Variants in C16orf89 observed in about 807,000 individuals in gnomAD.
The protein encoded by C16orf89 is UPF0764 protein C16orf89.
Under a neutral mutation model 41.5 loss-of-function variants are expected in C16orf89, and 57 were observed. The observed-to-expected ratio is 1.38, with a 90% CI of 1.11 to 1.71. C16orf89 has a LOEUF of 1.71. C16orf89 is among the 40% of genes most tolerant of loss of function. C16orf89 has a pLI of 0.00. For synonymous variants in C16orf89, 223 were observed against 190.6 expected, an observed-to-expected ratio of 1.17 and a Z score of -1.40; for missense variants, 575 against 445.9, an observed-to-expected ratio of 1.29 and a Z score of -2.61.
intron 4 of C16orf89, among the ~76,000 whole-genome samples, chr16:5,056,722 C>T (rs924452261): frequency 1.3e-5 from 2 of 152,184 alleles, no homozygotes; most frequent in African/African-American, 4.8e-5. Flanking sequence ...TAGCAGTGGT[C>T]AGAGTTACTT....
intron 6 of C16orf89, among the ~76,000 whole-genome samples, chr16:5,053,339 C>T (rs563607762): frequency 6.6e-6 from 1 of 151,990 alleles, no homozygotes; most frequent in African/African-American, 2.4e-5. Flanking sequence ...CACTGCACTC[C>T]TGCCTGGGTG....
chr16:5,063,095 G>C (rs189722912), intron 1 of C16orf89, among the ~76,000 whole-genome samples: 10 of 152,318 alleles, frequency 6.6e-5, no homozygotes, highest in Non-Finnish European at 1.2e-4. Flanking sequence ...CAGTGGCTTT[G>C]TTGAGGTGGG....
intron 6 of C16orf89, among the ~76,000 whole-genome samples, chr16:5,053,091 C>T (rs914432378): frequency 6.6e-6 from 1 of 152,138 alleles, no homozygotes; most frequent in African/African-American, 2.4e-5. Context: ...CATAGAAGTG[C>T]AGTGTTGAGG....
At chr16:5,044,754 G>T in intron 7 of C16orf89, 3 of 1,063,342 alleles carry the variant, frequency 2.8e-6, no homozygotes, top group Non-Finnish European at 2.5e-6. Context: ...TGAGGCAAGA[G>T]AATTGCTTGA....
intron 1 of C16orf89, among the ~76,000 whole-genome samples, chr16:5,064,394 T>C (rs1288715873): frequency 1.3e-5 from 2 of 152,188 alleles, no homozygotes; most frequent in Admixed American, 1.3e-4. Flanking sequence ...ATGGAAACAG[T>C]AATGGCTGAC....
intron 1 of C16orf89, among the ~76,000 whole-genome samples, chr16:5,065,203 T>C (rs553246137): frequency 1.3e-5 from 2 of 152,332 alleles, no homozygotes; most frequent in South Asian, 2.1e-4. Context: ...AGCCCCCTTC[T>C]TGGGGATCTT....
chr16:5,054,753 A>G (rs1445828763), intron 6 of C16orf89, among the ~76,000 whole-genome samples: 17 of 152,152 alleles, frequency 1.1e-4, no homozygotes, highest in Admixed American at 1.0e-3. Flanking sequence ...TTTCCCCCAT[A>G]CCGTTCTCAC....
At position 5,056,049 on chromosome 16, in the gene C16orf89, A is replaced by T. The variant is rs77055786; in HGVS notation, c.763+4T>A. 2.3e-5 allele frequency: 36 copies of T among 1,556,460 alleles called. No homozygotes were observed. In the East Asian group the frequency reaches 7.7e-4, roughly 33 times the overall value. ...TTGCCCCGGGGGCAGAATGCTGGCC[A>T]TACTGTTTTCCATGAAGATGTCCCG... is the stretch of plus-strand genomic sequence containing the variant. On this transcript the variant is annotated splice_donor_region_variant and intron_variant, in intron 5 of 7. Coordinates refer to ENST00000472572, the MANE Select transcript of C16orf89 (RefSeq NM_001098514.3).
rs1956588413 is a variant in C16orf89, at chr16:5,060,279, G to T, written c.509+7C>A. On this transcript the variant is annotated splice_region_variant and intron_variant, in intron 3 of 7. Coordinates refer to ENST00000472572, the MANE Select transcript of C16orf89 (RefSeq NM_001098514.3). ...TTTCCAGCAAATAGGGCAAGTGCAGGGCCCACCCGGTTCCCAGCAGCTGCA... is the reference window on the plus strand; with the variant it reads ...TTTCCAGCAAATAGGGCAAGTGCAGTGCCCACCCGGTTCCCAGCAGCTGCA... 1.2e-6 allele frequency: 2 copies of T among 1,603,584 alleles called. No individual in the cohort carries two copies. The highest frequency in any genetic ancestry group is 2.7e-5 in the African/African-American group (2 of 74,870).
intron 6 of C16orf89, among the ~76,000 whole-genome samples, chr16:5,054,982 A>T (rs1423575606): frequency 6.6e-6 from 1 of 152,222 alleles, no homozygotes. Context: ...GCATAAAAAC[A>T]GTACAATACA....
Position 5,053,949 on chromosome 16 carries a change from A to G in C16orf89, c.868+1297T>C, listed in dbSNP as rs146192432. 2.1e-3 allele frequency among the ~76,000 whole-genome samples: 313 copies of G among 152,352 alleles called. 4 individuals are homozygous for G. Among genetic ancestry groups the G allele is most frequent in the African/African-American group, 4.4e-3 (183 of 41,580 alleles). ...TTACATATTGTATACATGTATGGAA[A>G]TATCACACTGTACCCTATAAATATG... On this transcript the variant is annotated intron_variant, in intron 6 of 7. Transcript: ENST00000472572.
At chr16:5,057,411 T>C (rs1252417670) in intron 4 of C16orf89, among the ~76,000 whole-genome samples, 4 of 147,798 alleles carry the variant, frequency 2.7e-5, no homozygotes, top group Non-Finnish European at 5.9e-5. Flanking sequence ...ATATATATAG[T>C]GGCATATATA....
Position 5,065,898 on chromosome 16 carries a change from A to G in C16orf89, c.11T>C (p.Leu4Pro), listed in dbSNP as rs745932812. Residue 4 changes from leucine to proline, a missense_variant, in exon 1 of 8, where the codon CTG becomes CCG. Coordinates refer to ENST00000472572, the MANE Select transcript of C16orf89 (RefSeq NM_001098514.3). MAS[L>P]GLLLLLLLTA... The stretch of plus-strand genomic sequence containing the variant: ...CAGTAAGAGCAGGAGCAGCAGCCCC[A>G]GGCTGGCCATGGCCGGCCTCTGCTC... 1 of 1,613,602 alleles carries G rather than the reference A, an allele frequency of 6.2e-7. No individual in the cohort carries two copies. The highest frequency in any genetic ancestry group is 1.7e-5 in the Admixed American group (1 of 59,942).
chr16:5,062,089 T>C (rs560734989), intron 2 of C16orf89, among the ~76,000 whole-genome samples: 112 of 152,328 alleles, frequency 7.4e-4, no homozygotes, highest in Non-Finnish European at 1.3e-3. Flanking sequence ...AAGGGTTGAA[T>C]TGCCTTTTGG....
intron 2 of C16orf89, among the ~76,000 whole-genome samples, chr16:5,061,507 C>T (rs1596705115): frequency 1.2e-5 from 1 of 84,284 alleles, no homozygotes; most frequent in East Asian, 8.2e-4. Context: ...AAAAAAAACC[C>T]CCCCAAAAAA....
rs1956602156 is a variant in C16orf89, at chr16:5,060,806, C to G, written c.359-370G>C. 3.3e-5 allele frequency among the ~76,000 whole-genome samples: 5 copies of G among 151,876 alleles called. No homozygotes were observed. In the South Asian group the frequency reaches 1.0e-3, roughly 32 times the overall value. On this transcript the variant is annotated intron_variant, in intron 2 of 7. Coordinates refer to ENST00000472572, the MANE Select transcript of C16orf89 (RefSeq NM_001098514.3). ...CTTGAGGCCCAACGTTCAAGACCAG[C>G]CTAGGCAACATAGCAAGACTCTGTC...
chr16:5,056,919 G>A (rs1956520350), intron 4 of C16orf89, among the ~76,000 whole-genome samples: 1 of 152,072 alleles, frequency 6.6e-6, no homozygotes, highest in South Asian at 2.1e-4. Context: ...TTTGAATGAA[G>A]ATAATGAACC....
chr16:5,050,609 A>C (rs1279528001), intron 6 of C16orf89, among the ~76,000 whole-genome samples: 2 of 152,192 alleles, frequency 1.3e-5, no homozygotes, highest in Non-Finnish European at 2.9e-5. Flanking sequence ...AAAATTGAAG[A>C]GGAGGAAAAT....
chr16:5,062,150 G>C (rs1313570176), intron 2 of C16orf89, among the ~76,000 whole-genome samples: 1 of 152,338 alleles, frequency 6.6e-6, no homozygotes, highest in South Asian at 2.1e-4. Flanking sequence ...TCTAGGACCA[G>C]GACCTCCAGC....
Sources: gnomAD v4.1 joint callset for allele counts (sites outside exome capture counted in the v4.1 genomes callset) on GRCh38, gnomAD v4.1.1 for gene constraint, MANE v1.5 for transcripts, NCBI Gene and HGNC (gene_info 2026-07-23, HGNC 2026-07-21) for gene names.